PCM1: variants seen among roughly 807,000 people sequenced by gnomAD.
The protein encoded by PCM1 is pericentriolar material 1 protein.
In PCM1, 157 loss-of-function variants were observed where a neutral mutation model predicts 241.9. The ratio of observed to expected loss-of-function variants is 0.65; its 90% CI spans 0.57 to 0.74. The LOEUF (loss-of-function observed/expected upper bound fraction) is 0.74, where lower values mean the gene tolerates loss of function less well. PCM1 is among the 30% of genes least tolerant of loss of function. The pLI is 0.00. For synonymous variants in PCM1, 1,085 were observed against 784.9 expected (o/e 1.38, Z -6.39); for missense variants, 3,478 against 2,360.1 (o/e 1.47, Z -9.81).
intron 13 of PCM1, among the ~76,000 whole-genome samples, chr8:17,958,033 A>G (rs1471666644): frequency 1.3e-5 from 2 of 152,224 alleles, no homozygotes; most frequent in Non-Finnish European, 2.9e-5. Flanking sequence ...AAGCAGCCAT[A>G]CATAATACAT....
intron 29 of PCM1, among the ~76,000 whole-genome samples, chr8:17,998,370 C>G (rs2087792031): frequency 6.6e-6 from 1 of 152,194 alleles, no homozygotes; most frequent in African/African-American, 2.4e-5. Flanking sequence ...TTCAAAGGGA[C>G]TTGGGTCCCA....
chr8:18,017,139 A>G (rs1359897644), intron 36 of PCM1, among the ~76,000 whole-genome samples: 1 of 145,514 alleles, frequency 6.9e-6, no homozygotes, highest in Non-Finnish European at 1.5e-5. Flanking sequence ...AAGATGCTAC[A>G]AAAACAACTG....
chr8:17,948,352 T>A (rs889116185), intron 7 of PCM1, among the ~76,000 whole-genome samples: 2 of 130,986 alleles, frequency 1.5e-5, no homozygotes, highest in Admixed American at 9.2e-5. Context: ...TTGCCCAGGC[T>A]GGAGTGCAAT....
In PCM1 at chr8:17,994,456, C is replaced by T. The variant is rs567647406; in HGVS notation, c.4827+837C>T. On this transcript the variant is annotated intron_variant, in intron 29 of 38. Coordinates refer to ENST00000325083, the MANE Select transcript of PCM1 (RefSeq NM_006197.4). ...CTGTTGATGGACACTTAGGTTGCTTCCAAATCTTGGTTGTTGTGAACAGTA... is the reference window on the plus strand; with the variant it reads ...CTGTTGATGGACACTTAGGTTGCTTTCAAATCTTGGTTGTTGTGAACAGTA... Among the ~76,000 whole-genome samples, 173 of 152,306 alleles carry T rather than the reference C, an allele frequency of 1.1e-3. 1 individual carries two copies. Among genetic ancestry groups the T allele is most frequent in the African/African-American group, 3.8e-3 (159 of 41,572 alleles).
chr8:18,003,000 A>C (rs185821246), intron 29 of PCM1, among the ~76,000 whole-genome samples: 7 of 152,296 alleles, frequency 4.6e-5, no homozygotes, highest in African/African-American at 7.2e-5. Flanking sequence ...CTTCCTTCAC[A>C]TACCTACCTG....
rs1300892269 is a variant in PCM1 at position 17,969,760 on chromosome 8, A to G, written c.3584+12A>G. 1.9e-6 allele frequency: 3 copies of G among 1,583,960 alleles called. No individual in the cohort carries two copies. The highest frequency in any genetic ancestry group is 3.4e-5 in the Admixed American group (2 of 57,982). ...GCAGAGAAACCAAGGTACTGATTGT[A>G]AACAGTCTTTTATTGCTTAAACATT... On this transcript the variant is annotated intron_variant, in intron 22 of 38. Transcript: ENST00000325083.
At chr8:17,965,265 T>G (rs1026215519) in intron 18 of PCM1, among the ~76,000 whole-genome samples, 3 of 152,152 alleles carry the variant, frequency 2.0e-5, no homozygotes, top group African/African-American at 7.2e-5. Context: ...TGAATTCTGT[T>G]TACGGTTTTT....
intron 8 of PCM1, among the ~76,000 whole-genome samples, chr8:17,951,981 G>C (rs1474393527): frequency 6.6e-6 from 1 of 152,098 alleles, no homozygotes; most frequent in Non-Finnish European, 1.5e-5. Context: ...CCAGCACTTT[G>C]GGAGGCCGAG....
At chr8:17,948,360 A>AATG (rs2064673487) in intron 7 of PCM1, among the ~76,000 whole-genome samples, 1 of 126,814 alleles carries the variant, frequency 7.9e-6, no homozygotes, top group South Asian at 2.4e-4. Context: ...GCTGGAGTGC[A>AATG]ATGGCATGTT....
At chr8:17,935,512 C>T (rs1212243505) in intron 2 of PCM1, 77 bp from the exon 3 acceptor site, 1 of 621,318 alleles carries the variant, frequency 1.6e-6, no homozygotes, top group Non-Finnish European at 3.0e-6. Context: ...GATTGTATTG[C>T]TAAACTTCAT....
chr8:17,979,659 A>G (rs921660449), intron 23 of PCM1, among the ~76,000 whole-genome samples: 1 of 152,242 alleles, frequency 6.6e-6, no homozygotes, highest in African/African-American at 2.4e-5. Context: ...ACAAATATAA[A>G]AACATAACCA....
intron 9 of PCM1, among the ~76,000 whole-genome samples, chr8:17,953,525 A>C (rs550859313): frequency 6.6e-6 from 1 of 152,066 alleles, no homozygotes; most frequent in South Asian, 2.1e-4. Flanking sequence ...TCCCTTAAAG[A>C]AAAGTTAATC....
In PCM1 at chr8:17,985,939, G is replaced by T; in HGVS notation, c.4282-20G>T. On this transcript the variant is annotated intron_variant, in intron 25 of 38. Transcript: ENST00000325083. ...AGCATGTATGTTTTATATAAATGAT[G>T]ATCTTATTTTCTTATTTAGGACATA... 7.0e-7 allele frequency: 1 copy of T among 1,428,880 alleles called. No individual in the cohort carries two copies. The highest frequency in any genetic ancestry group is 1.3e-5 in the South Asian group (1 of 74,898). 88.5% of individuals were successfully genotyped at this position (1,428,880 alleles called of 1,614,324 possible).
At chr8:18,008,783 G>A (rs1446985685) in intron 30 of PCM1, among the ~76,000 whole-genome samples, 2 of 152,126 alleles carry the variant, frequency 1.3e-5, no homozygotes, top group Non-Finnish European at 2.9e-5. Context: ...TCAGTGGTTG[G>A]GAGGCAGGAG....
At chr8:17,924,109 G>A (rs1002030368) in intron 1 of PCM1, among the ~76,000 whole-genome samples, 5 of 148,808 alleles carry the variant, frequency 3.4e-5, no homozygotes, top group African/African-American at 1.2e-4. Context: ...TACCACCCCC[G>A]CCCCATAACC....
At chr8:17,992,836 T>C (rs2085232541) in intron 28 of PCM1, among the ~76,000 whole-genome samples, 1 of 151,892 alleles carries the variant, frequency 6.6e-6, no homozygotes, top group Non-Finnish European at 1.5e-5. Flanking sequence ...AGGCTGGCCT[T>C]GAACTCCTGG....
chr8:17,985,695 C>A, intron 25 of PCM1, 76 bp downstream of exon 25: 1 of 1,144,644 alleles, frequency 8.7e-7, no homozygotes, highest in Non-Finnish European at 1.3e-6. Context: ...CTGTCTTAGA[C>A]TGAAGCATGT....
At chr8:18,016,539 C>T (rs1479824611) in intron 36 of PCM1, among the ~76,000 whole-genome samples, 1 of 152,180 alleles carries the variant, frequency 6.6e-6, no homozygotes, top group Non-Finnish European at 1.5e-5. Context: ...CAATGGGAAG[C>T]AGTTTTTGAT....
chr8:17,968,700 C>A (rs950350715), intron 21 of PCM1, among the ~76,000 whole-genome samples: 4 of 145,674 alleles, frequency 2.7e-5, no homozygotes, highest in Non-Finnish European at 6.0e-5. Context: ...AGTGTTATGC[C>A]CAGCAATGTG....
Sources: gnomAD v4.1 joint callset for allele counts (sites outside exome capture counted in the v4.1 genomes callset) on GRCh38, gnomAD v4.1.1 for gene constraint, MANE v1.5 for transcripts, NCBI Gene and HGNC (gene_info 2026-07-23, HGNC 2026-07-21) for gene names.